The following PRRX1 variants were observed in gnomAD, a reference collection of about 807,000 sequenced individuals.
The protein encoded by PRRX1 is paired related homeobox 1.
PRRX1 carries 8 observed loss-of-function variants against 24.0 expected under a neutral mutation model. The observed-to-expected ratio is 0.33, with a 90% CI of 0.20 to 0.60. The LOEUF is 0.60. Ranked by LOEUF, PRRX1 falls within the 20% of genes least tolerant of loss-of-function variation. PRRX1 has a pLI of 0.82. For synonymous variants in PRRX1, 160 were observed against 131.7 expected (o/e 1.22, Z -1.47); for missense variants, 281 against 322.4 (o/e 0.87, Z 0.98).
rs140065517 is a variant in PRRX1, at chr1:170,691,247, G to T, written c.241+26788G>T. Reference sequence around the variant, plus strand: ...TGGGTTGCATGTTTGCAACCAAAGAGTGGATTAAAAAATGTTTATTAGCCA... The same window carrying T: ...TGGGTTGCATGTTTGCAACCAAAGATTGGATTAAAAAATGTTTATTAGCCA... On this transcript the variant is annotated intron_variant, in intron 1 of 3. Transcript: ENST00000239461. Among the ~76,000 whole-genome samples, 1,166 of 152,180 alleles carry T rather than the reference G, an allele frequency of 7.7e-3. 12 individuals are homozygous for T. Among genetic ancestry groups the T allele is most frequent in the African/African-American group, 0.027 (1,126 of 41,528 alleles).
chr1:170,708,192 T>C (rs1324781702), intron 1 of PRRX1, among the ~76,000 whole-genome samples: 1 of 152,192 alleles, frequency 6.6e-6, no homozygotes, highest in South Asian at 2.1e-4. Flanking sequence ...AGATTACTCA[T>C]AGATTTCCAC....
intron 1 of PRRX1, among the ~76,000 whole-genome samples, chr1:170,700,476 T>C (rs78013753): frequency 0.011 from 1,696 of 152,268 alleles, 38 homozygotes; most frequent in African/African-American, 0.039. Flanking sequence ...GTGTGTGTCA[T>C]AGATTGAAAG....
intron 1 of PRRX1, among the ~76,000 whole-genome samples, chr1:170,685,580 T>G (rs1417933229): frequency 6.6e-6 from 1 of 152,232 alleles, no homozygotes; most frequent in Non-Finnish European, 1.5e-5. Flanking sequence ...ATTTCAATCC[T>G]GCCTCTATTT....
At chr1:170,707,075 G>A (rs940561086) in intron 1 of PRRX1, among the ~76,000 whole-genome samples, 3 of 151,716 alleles carry the variant, frequency 2.0e-5, no homozygotes, top group African/African-American at 7.3e-5. Context: ...AGTGAGCTGT[G>A]ATTATGCCAC....
intron 1 of PRRX1, among the ~76,000 whole-genome samples, chr1:170,692,062 A>G (rs1450527837): frequency 6.6e-6 from 1 of 152,018 alleles, no homozygotes; most frequent in African/African-American, 2.4e-5. Flanking sequence ...TAGAATCTAG[A>G]CTCTAGATAT....
chr1:170,722,317 C>T (rs2101919448), intron 2 of PRRX1, among the ~76,000 whole-genome samples: 1 of 152,226 alleles, frequency 6.6e-6, no homozygotes, highest in African/African-American at 2.4e-5. Context: ...CTGAGGAGGC[C>T]TCTTGGATGG....
At chr1:170,733,037 C>T (rs1655488684) in intron 3 of PRRX1, among the ~76,000 whole-genome samples, 2 of 152,082 alleles carry the variant, frequency 1.3e-5, no homozygotes, top group Admixed American at 1.3e-4. Context: ...AATAGATGAT[C>T]TGAATTCCCA....
intron 1 of PRRX1, among the ~76,000 whole-genome samples, chr1:170,688,492 G>T (rs1412761484): frequency 6.6e-6 from 1 of 151,822 alleles, no homozygotes; most frequent in Non-Finnish European, 1.5e-5. Context: ...TTAATTTCAG[G>T]TGAATGTTCA....
chr1:170,696,411 T>C (rs1181280243), intron 1 of PRRX1, among the ~76,000 whole-genome samples: 8 of 152,170 alleles, frequency 5.3e-5, no homozygotes, highest in Non-Finnish European at 1.0e-4. Context: ...ATTCCAATAG[T>C]TATGAAAAGA....
At position 170,737,270 on chromosome 1, in the gene PRRX1, A is replaced by G. The variant is rs996618511; in HGVS notation, c.*1084A>G. Reference sequence around the variant, plus strand: ...CACTGTTCTTATCTCTATAGTGATGAAACATTAATTAGGGATCTTGCTGCT... The same window carrying G: ...CACTGTTCTTATCTCTATAGTGATGGAACATTAATTAGGGATCTTGCTGCT... On this transcript the variant is annotated 3_prime_UTR_variant, in exon 4 of 4. Coordinates refer to ENST00000239461, the MANE Select transcript of PRRX1 (RefSeq NM_022716.4). 3.0e-4 allele frequency: 54 copies of G among 183,012 alleles called. No individual in the cohort carries two copies. The highest frequency in any genetic ancestry group is 1.9e-4 in the Non-Finnish European group (16 of 85,916). 11.3% of individuals were successfully genotyped at this position (183,012 alleles called of 1,614,324 possible). A position where few individuals can be genotyped will look rare whatever the true frequency, so the allele number is the denominator to read the frequency against.
chr1:170,675,996 A>C (rs542041956), intron 1 of PRRX1, among the ~76,000 whole-genome samples: 40 of 152,326 alleles, frequency 2.6e-4, no homozygotes, highest in African/African-American at 9.4e-4. Context: ...GAGAGGAAAG[A>C]AAGAGAACCA....
At chr1:170,717,668 C>T (rs986931821) in intron 1 of PRRX1, among the ~76,000 whole-genome samples, 1 of 151,294 alleles carries the variant, frequency 6.6e-6, no homozygotes, top group Non-Finnish European at 1.5e-5. Context: ...TGTGCTATCA[C>T]AAGGGCTTGT....
chr1:170,714,783 A>G (rs1654855605), intron 1 of PRRX1, among the ~76,000 whole-genome samples: 1 of 152,118 alleles, frequency 6.6e-6, no homozygotes, highest in African/African-American at 2.4e-5. Context: ...CTCTAGGGCA[A>G]CTTCAGCAGC....
chr1:170,688,965 A>G (rs1653838635), intron 1 of PRRX1, among the ~76,000 whole-genome samples: 1 of 152,158 alleles, frequency 6.6e-6, no homozygotes, highest in African/African-American at 2.4e-5. Flanking sequence ...TGTTATCAAT[A>G]TACATTAGAA....
At chr1:170,702,327 T>A (rs1221536123) in intron 1 of PRRX1, among the ~76,000 whole-genome samples, 1 of 152,166 alleles carries the variant, frequency 6.6e-6, no homozygotes, top group African/African-American at 2.4e-5. Context: ...GAATTACTCC[T>A]CTTATCTAGC....
intron 3 of PRRX1, among the ~76,000 whole-genome samples, chr1:170,733,129 A>G (rs1019612177): frequency 1.3e-5 from 2 of 152,202 alleles, no homozygotes; most frequent in African/African-American, 4.8e-5. Flanking sequence ...CAAGAGAGAA[A>G]CTCAGTATTT....
chr1:170,692,741 T>TGTCA (rs1553252909), intron 1 of PRRX1, among the ~76,000 whole-genome samples: 1 of 139,508 alleles, frequency 7.2e-6, no homozygotes, highest in Non-Finnish European at 1.6e-5. Context: ...TCTCTCTCTC[T>TGTCA]CACACACACA....
At chr1:170,663,065 C>T (rs1395923343), upstream of PRRX1, 1 of 150,960 alleles carries the variant, frequency 6.6e-6, no homozygotes. Flanking sequence ...TCTCTCCCTT[C>T]CTCCCTCCCT....
intron 1 of PRRX1, among the ~76,000 whole-genome samples, chr1:170,670,971 C>T (rs1653122727): frequency 6.6e-6 from 1 of 152,076 alleles, no homozygotes; most frequent in Non-Finnish European, 1.5e-5. Context: ...TTAGCTGTTC[C>T]ACGTAATGAA....
Sources: allele counts gnomAD v4.1 joint callset (sites outside exome capture counted in the v4.1 genomes callset), GRCh38; gene constraint gnomAD v4.1.1; transcripts MANE v1.5; gene names NCBI Gene and HGNC (gene_info 2026-07-23, HGNC 2026-07-21).